SLC43A2: variants seen among roughly 807,000 people sequenced by gnomAD.
The protein encoded by SLC43A2 is solute carrier family 43 member 2, also known as large neutral amino acids transporter small subunit 4.
A neutral mutation model predicts 63.2 loss-of-function variants in SLC43A2; 38 were observed. The observed-to-expected ratio is 0.60, with a 90% CI of 0.46 to 0.79. The LOEUF is 0.79. SLC43A2 is among the 30% of genes least tolerant of loss of function. The pLI, the probability that SLC43A2 is intolerant of heterozygous loss-of-function variation, is 0.00. For synonymous variants in SLC43A2, 322 were observed against 331.0 expected, an observed-to-expected ratio of 0.97 and a Z score of 0.30; for missense variants, 644 against 756.2, an observed-to-expected ratio of 0.85 and a Z score of 1.74.
intron 4 of SLC43A2, among the ~76,000 whole-genome samples, chr17:1,614,453 A>G (rs1288847071): frequency 1.2e-5 from 1 of 85,556 alleles, no homozygotes; most frequent in Non-Finnish European, 2.6e-5. Flanking sequence ...AAAAACAAAC[A>G]GCAGCGAGCA....
At chr17:1,628,572 C>T (rs1029857905) in intron 1 of SLC43A2, among the ~76,000 whole-genome samples, 1 of 152,192 alleles carries the variant, frequency 6.6e-6, no homozygotes, top group African/African-American at 2.4e-5. Flanking sequence ...AGCCGCGCGA[C>T]CCCCATCTCG....
chr17:1,620,975 T>C (rs1908101981), intron 2 of SLC43A2, among the ~76,000 whole-genome samples: 1 of 152,038 alleles, frequency 6.6e-6, no homozygotes, highest in Non-Finnish European at 1.5e-5. Flanking sequence ...TGCACCTGTT[T>C]ATTAAACAGA....
In SLC43A2 at chr17:1,570,070, T is replaced by G. The variant is rs1252936973; in HGVS notation, c.*5534A>C. ...GCCCAGCTAATTTTTTTTTTTCGTA[T>G]TTTTAGTAGAGATGGGGTTTCACTG... On this transcript the variant is annotated 3_prime_UTR_variant, in exon 14 of 14. Transcript: ENST00000301335. The G allele has an allele frequency of 2.6e-5, 4 of 151,138 alleles. No homozygotes were observed. In the East Asian group the frequency reaches 5.8e-4, roughly 22 times the overall value. 9.4% of individuals were successfully genotyped at this position (151,138 alleles called of 1,614,324 possible). A position where few individuals can be genotyped will look rare whatever the true frequency, so the allele number is the denominator to read the frequency against.
In SLC43A2 at chr17:1,586,008, G is replaced by C. The variant is rs1164264681; in HGVS notation, c.1122C>G (p.Cys374Trp). 1 of 1,611,722 alleles carries C rather than the reference G, an allele frequency of 6.2e-7. No individual in the cohort carries two copies. Among genetic ancestry groups the C allele is most frequent in the African/African-American group, 1.3e-5 (1 of 74,932 alleles). ...TSIFGVLQLL[C>W]LLTAPVIGYI... ...AGCCAATGACGGGGGCCGTCAGCAGGCACAGCAGCTGGAGCACGCCGAAGA... is the reference window on the plus strand; with the variant it reads ...AGCCAATGACGGGGGCCGTCAGCAGCCACAGCAGCTGGAGCACGCCGAAGA... Residue 374 changes from cysteine to tryptophan, a missense_variant, in exon 10 of 14, where the codon TGC becomes TGG. Physicochemically the swap from Cys to Trp is radical, Grantham distance 215. Coordinates refer to ENST00000301335, the MANE Select transcript of SLC43A2 (RefSeq NM_152346.3).
rs963989848 is a variant in SLC43A2, at chr17:1,577,851, G to A, written c.1424+399C>T. The stretch of plus-strand genomic sequence containing the variant: ...CTCAGTCACCCATGTTGCTGCCCGT[G>A]ATGAGGGCAACTGGAACTTCCGCAT... On this transcript the variant is annotated intron_variant, in intron 12 of 13. Coordinates refer to ENST00000301335, the MANE Select transcript of SLC43A2 (RefSeq NM_152346.3). This position sits in a 1 kb window ranked among gnomAD's most constrained non-coding sequence, Gnocchi z 4.9. 3.9e-5 allele frequency among the ~76,000 whole-genome samples: 6 copies of A among 152,190 alleles called. No individual in the cohort carries two copies. Among genetic ancestry groups the A allele is most frequent in the Non-Finnish European group, 8.8e-5 (6 of 68,014 alleles).
Position 1,599,096 on chromosome 17 carries a change from C to T in SLC43A2, c.502-5817G>A, listed in dbSNP as rs887297380. 4.6e-5 allele frequency among the ~76,000 whole-genome samples: 7 copies of T among 152,258 alleles called. No homozygotes were observed. The East Asian group carries it at 7.7e-4, about 17-fold the overall frequency. ...GGGCGCGGTGGCTCACGCCTGTAATCGCAACACTTTGGGAGGCTGAGGTGG... is the reference window on the plus strand; with the variant it reads ...GGGCGCGGTGGCTCACGCCTGTAATTGCAACACTTTGGGAGGCTGAGGTGG... On this transcript the variant is annotated intron_variant, in intron 5 of 13. Coordinates refer to ENST00000301335, the MANE Select transcript of SLC43A2 (RefSeq NM_152346.3).
intron 5 of SLC43A2, among the ~76,000 whole-genome samples, chr17:1,594,754 A>G (rs1237910477): frequency 6.6e-6 from 1 of 151,202 alleles, no homozygotes. Flanking sequence ...CACCCGGCTA[A>G]TTTTTTTGTA....
chr17:1,619,131 C>G lies in SLC43A2; in HGVS notation c.161-2362G>C, dbSNP rs571211393. On this transcript the variant is annotated intron_variant, in intron 2 of 13. Transcript: ENST00000301335. ...ACCAGCCTGGCCAATATGGTGAAAC[C>G]CCATCTCTACTAAAAATACAAAAAT... Among the ~76,000 whole-genome samples the G allele has an allele frequency of 2.4e-4, 37 of 152,040 alleles. No individual in the cohort carries two copies. The East Asian group carries it at 7.1e-3, about 29-fold the overall frequency.
intron 5 of SLC43A2, among the ~76,000 whole-genome samples, chr17:1,598,369 C>T (rs1006014557): frequency 7.9e-5 from 12 of 151,214 alleles, no homozygotes; most frequent in African/African-American, 1.5e-4. Context: ...TGCAGTGAGC[C>T]GAGATCATGC....
At chr17:1,621,268 G>A (rs1181686590) in intron 2 of SLC43A2, among the ~76,000 whole-genome samples, 1 of 152,172 alleles carries the variant, frequency 6.6e-6, no homozygotes, top group Non-Finnish European at 1.5e-5. Context: ...ACAAAGGGAG[G>A]GGGGCCTCCA....
In SLC43A2 at chr17:1,577,080, G is replaced by A. The variant is rs2075945644; in HGVS notation, c.1425-360C>T. On this transcript the variant is annotated intron_variant, in intron 12 of 13. Transcript: ENST00000301335. The surrounding 1 kb of genome is among the most constrained non-coding windows in gnomAD (Gnocchi z 4.9). ...GGGGTTTCACTACGTTGGCCAGGCT[G>A]GTCTCAAACTCCTGACCTTGTGATC... Among the ~76,000 whole-genome samples the A allele has an allele frequency of 6.6e-6, 1 of 152,102 alleles. No homozygotes were observed. The highest frequency in any genetic ancestry group is 6.6e-5 in the Admixed American group (1 of 15,258).
chr17:1,583,694 A>C lies in SLC43A2; in HGVS notation c.1218-358T>G. ...CACCACTGGCTTCAAGTTCACCCAA[A>C]TCTTGCAGGACGCTGATAAGAAGCC... On this transcript the variant is annotated intron_variant, in intron 10 of 13. Transcript: ENST00000301335. The surrounding 1 kb of genome is among the most constrained non-coding windows in gnomAD (Gnocchi z 5.5). 1.9e-5 allele frequency: 4 copies of C among 215,444 alleles called. No homozygotes were observed. Among genetic ancestry groups the C allele is most frequent in the Non-Finnish European group, 1.9e-5 (2 of 105,750 alleles). The allele number at this position is 215,444 out of a possible 1,614,324, so 13.3% of individuals were successfully genotyped here.
At chr17:1,629,056 C>T (rs1598506963), upstream of SLC43A2, among the ~76,000 whole-genome samples, 1 of 152,182 alleles carries the variant, frequency 6.6e-6, no homozygotes, top group African/African-American at 2.4e-5. Flanking sequence ...CTCGGCTTTG[C>T]AGCCTTCAAC....
intron 9 of SLC43A2, among the ~76,000 whole-genome samples, chr17:1,589,122 G>A (rs942822682): frequency 6.6e-6 from 1 of 152,234 alleles, no homozygotes; most frequent in African/African-American, 2.4e-5. Flanking sequence ...TTCCTGGCCT[G>A]GCTTCCTCTA....
rs1006459378 is a variant in SLC43A2, at chr17:1,606,109, G to C, written c.501+7086C>G. Among the ~76,000 whole-genome samples, 4 of 152,156 alleles carry C rather than the reference G, an allele frequency of 2.6e-5. No homozygotes were observed. Among genetic ancestry groups the C allele is most frequent in the African/African-American group, 9.7e-5 (4 of 41,426 alleles). ...CACAGCAGGCACTGGGCACTGGCAA[G>C]TCCCGCTCACCAGGCACCTAGACCC... On this transcript the variant is annotated intron_variant, in intron 5 of 13. Transcript: ENST00000301335. This position sits in a 1 kb window ranked among gnomAD's most constrained non-coding sequence, Gnocchi z 4.7.
chr17:1,584,100 A>G (rs62087980), intron 10 of SLC43A2, among the ~76,000 whole-genome samples: 27,129 of 151,802 alleles, frequency 0.18, 2,549 homozygotes, highest in East Asian at 0.27. Flanking sequence ...TCACCATGTT[A>G]GCCAGGATGG....
At position 1,578,653 on chromosome 17, in the gene SLC43A2, G is replaced by T. The variant is rs569116553; in HGVS notation, c.1351-330C>A. 5 of 269,526 alleles carry T rather than the reference G, an allele frequency of 1.9e-5. 1 individual carries two copies. The East Asian group carries it at 3.0e-4, about 16-fold the overall frequency. The allele number at this position is 269,526 out of a possible 1,614,324, so 16.7% of individuals were successfully genotyped here. A position where few individuals can be genotyped will look rare whatever the true frequency, so the allele number is the denominator to read the frequency against. ...AGCAATTCTCCTGCCTCAGCCTTCG[G>T]AGTAGCTAGGATTACAGGCCCACGC... On this transcript the variant is annotated intron_variant, in intron 11 of 13. Transcript: ENST00000301335. This position sits in a 1 kb window ranked among gnomAD's most constrained non-coding sequence, Gnocchi z 6.5.
At position 1,575,876 on chromosome 17, in the gene SLC43A2, G is replaced by A. The variant is rs1409110625; in HGVS notation, c.1549-111C>T. ...GGAGAAGGTCACGGGGTGGAAGGGGGAACGAAACAGGAAGGCCCACGAGGT... is the reference window on the plus strand; with the variant it reads ...GGAGAAGGTCACGGGGTGGAAGGGGAAACGAAACAGGAAGGCCCACGAGGT... On this transcript the variant is annotated intron_variant, in intron 13 of 13. Coordinates refer to ENST00000301335, the MANE Select transcript of SLC43A2 (RefSeq NM_152346.3). 7.2e-6 allele frequency: 9 copies of A among 1,241,902 alleles called. No individual in the cohort carries two copies. The African/African-American group carries it at 1.2e-4, about 17-fold the overall frequency. 76.9% of individuals were successfully genotyped at this position (1,241,902 alleles called of 1,614,324 possible). A position where few individuals can be genotyped will look rare whatever the true frequency, so the allele number is the denominator to read the frequency against.
intron 4 of SLC43A2, among the ~76,000 whole-genome samples, chr17:1,614,662 A>G (rs1409599425): frequency 6.6e-6 from 1 of 152,072 alleles, no homozygotes; most frequent in East Asian, 1.9e-4. Context: ...ACTTCTGCAC[A>G]CACCGATGAC....
Sources: allele counts gnomAD v4.1 joint callset (sites outside exome capture counted in the v4.1 genomes callset), GRCh38; gene constraint gnomAD v4.1.1; non-coding constraint Gnocchi (gnomAD v3.1); transcripts MANE v1.5; gene names NCBI Gene and HGNC (gene_info 2026-07-23, HGNC 2026-07-21).